Variants in PGBD5 observed in about 807,000 individuals in gnomAD.
PGBD5 encodes piggyBac transposable element derived 5.
Under a neutral mutation model 47.9 loss-of-function variants are expected in PGBD5, and 14 were observed. The observed-to-expected ratio is 0.29, with a 90% CI of 0.19 to 0.46. PGBD5 has a LOEUF of 0.46. PGBD5 is among the 20% of genes least tolerant of loss of function. The probability of loss-of-function intolerance (pLI) is 1.00; values close to 1 mark genes in which losing one functional copy is unlikely to be tolerated. For synonymous variants in PGBD5, 316 were observed against 306.3 expected (o/e 1.03, Z -0.33); for missense variants, 635 against 716.0 (o/e 0.89, Z 1.29).
At position 230,319,427 on chromosome 1, in the gene PGBD5, G is replaced by GT. The variant is rs146946038; in HGVS notation, c.*3997dup. 4,878 of 149,712 alleles carry GT rather than the reference G, an allele frequency of 0.033. 103 individuals carry two copies. The highest frequency in any genetic ancestry group is 0.054 in the African/African-American group (2,222 of 40,882). The allele number at this position is 149,712 out of a possible 1,614,324, so 9.3% of individuals were successfully genotyped here. On this transcript the variant is annotated 3_prime_UTR_variant, in exon 7 of 7. Transcript: ENST00000391860. ...CCCAATCCCAGGCAAGTGGGGAAAT[G>GT]TTTTTTTTTTGCCATGAATGCAGAC...
chr1:230,426,332 C>G lies in PGBD5; in HGVS notation c.-404G>C, dbSNP rs937712642. 3 of 148,956 alleles carry G rather than the reference C, an allele frequency of 2.0e-5. No individual in the cohort carries two copies. Among genetic ancestry groups the G allele is most frequent in the African/African-American group, 2.4e-5 (1 of 41,072 alleles). The allele number at this position is 148,956 out of a possible 1,614,324, so 9.2% of individuals were successfully genotyped here. On this transcript the variant is annotated 5_prime_UTR_variant, in exon 1 of 7. Transcript: ENST00000391860. ...TCCACGGCCTCCGGCGCTCGGCTGCCGACCTTCCCGGGCGCGAGCCGCCAG... is the reference window on the plus strand; with the variant it reads ...TCCACGGCCTCCGGCGCTCGGCTGCGGACCTTCCCGGGCGCGAGCCGCCAG...
chr1:230,413,861 C>T (rs1259585269), intron 1 of PGBD5, among the ~76,000 whole-genome samples: 8 of 152,126 alleles, frequency 5.3e-5, no homozygotes, highest in Admixed American at 2.0e-4. Context: ...TTATCAATCC[C>T]CAGTTTTTAA....
Position 230,323,102 on chromosome 1 carries a change from C to A in PGBD5, c.*323G>T, listed in dbSNP as rs1025462391. 2.3e-5 allele frequency: 7 copies of A among 303,346 alleles called. No homozygotes were observed. Among genetic ancestry groups the A allele is most frequent in the South Asian group, 1.8e-4 (3 of 17,140 alleles). The allele number at this position is 303,346 out of a possible 1,614,324, so 18.8% of individuals were successfully genotyped here. A position where few individuals can be genotyped will look rare whatever the true frequency, so the allele number is the denominator to read the frequency against. The stretch of plus-strand genomic sequence containing the variant: ...GCTCCAGCTCATTCTACCACGGGGG[C>A]CTTCCTTCACAGTCACCAGTCCACG... On this transcript the variant is annotated 3_prime_UTR_variant, in exon 7 of 7. Transcript: ENST00000391860. This position sits in a 1 kb window ranked among gnomAD's most constrained non-coding sequence, Gnocchi z 4.1.
In PGBD5 at chr1:230,425,154, G is replaced by A. The variant is rs12023508; in HGVS notation, c.331+444C>T. Among the ~76,000 whole-genome samples, 10,424 of 152,176 alleles carry A rather than the reference G, an allele frequency of 0.068. 588 individuals carry two copies. The highest frequency in any genetic ancestry group is 0.29 in the East Asian group (1,502 of 5,152). On this transcript the variant is annotated intron_variant, in intron 1 of 6. Transcript: ENST00000391860. This position sits in a 1 kb window ranked among gnomAD's most constrained non-coding sequence, Gnocchi z 4.7. ...GGGCCAACTCCTACCTGCCTCGCCC[G>A]CGTCACCTGCTGTAAGGCTTGCTCT...
chr1:230,318,581 A>G lies in PGBD5; in HGVS notation c.*4844T>C, dbSNP rs577824251. 2 of 152,350 alleles carry G rather than the reference A, an allele frequency of 1.3e-5. No individual in the cohort carries two copies. Among genetic ancestry groups the G allele is most frequent in the African/African-American group, 4.8e-5 (2 of 41,566 alleles). The allele number at this position is 152,350 out of a possible 1,614,324, so 9.4% of individuals were successfully genotyped here. On this transcript the variant is annotated 3_prime_UTR_variant, in exon 7 of 7. Transcript: ENST00000391860. ...TTCTTTCGTTTGGAACTCCCACTAC[A>G]CAAGGCTAAGGCTTTCCACAGCCAA... is the stretch of plus-strand genomic sequence containing the variant.
intron 1 of PGBD5, among the ~76,000 whole-genome samples, chr1:230,373,344 C>T (rs1396985932): frequency 6.6e-6 from 1 of 152,130 alleles, no homozygotes; most frequent in Non-Finnish European, 1.5e-5. Flanking sequence ...GGTCTTGTGT[C>T]GGCCCCAATA....
In PGBD5 at chr1:230,426,220, A is replaced by AGGCGCCGCC. The variant is rs1376523732; in HGVS notation, c.-301_-293dup. On this transcript the variant is annotated 5_prime_UTR_variant, in exon 1 of 7. Transcript: ENST00000391860. ...GGACGCAGAGGCTGCGGCCGAGACC[A>AGGCGCCGCC]GGCGCCGCCGCCGCCACCGCCGCCA... 2 of 148,224 alleles carry AGGCGCCGCC rather than the reference A, an allele frequency of 1.3e-5. No homozygotes were observed. Among genetic ancestry groups the AGGCGCCGCC allele is most frequent in the Non-Finnish European group, 3.0e-5 (2 of 67,774 alleles). The allele number at this position is 148,224 out of a possible 1,614,324, so 9.2% of individuals were successfully genotyped here.
Position 230,320,985 on chromosome 1 carries a change from G to A in PGBD5, c.*2440C>T, listed in dbSNP as rs1022502416. On this transcript the variant is annotated 3_prime_UTR_variant, in exon 7 of 7. Transcript: ENST00000391860. ...GTGGCTGCCATTTTAGAAACAGAGT[G>A]TTACAATGTTACAATTATTCTCTCA... 1.3e-5 allele frequency: 2 copies of A among 152,154 alleles called. No individual in the cohort carries two copies. The highest frequency in any genetic ancestry group is 4.8e-5 in the African/African-American group (2 of 41,424). The allele number at this position is 152,154 out of a possible 1,614,324, so 9.4% of individuals were successfully genotyped here.
At chr1:230,359,440 C>A (rs189485561) in intron 1 of PGBD5, among the ~76,000 whole-genome samples, 3 of 152,256 alleles carry the variant, frequency 2.0e-5, no homozygotes, top group Admixed American at 2.0e-4. Flanking sequence ...TCCTTTATTA[C>A]TGATTTAGAC....
At chr1:230,417,968 C>A (rs912180150) in intron 1 of PGBD5, among the ~76,000 whole-genome samples, 1 of 152,202 alleles carries the variant, frequency 6.6e-6, no homozygotes, top group African/African-American at 2.4e-5. Context: ...TTTGCCCCCC[C>A]AGGGGACATT....
Position 230,320,819 on chromosome 1 carries a change from A to G in PGBD5, c.*2606T>C, listed in dbSNP as rs1446651665. On this transcript the variant is annotated 3_prime_UTR_variant, in exon 7 of 7. Coordinates refer to ENST00000391860, the MANE Select transcript of PGBD5 (RefSeq NM_001258311.2). ...CCTGGAGGTTCTGTCAGTCCGTCCT[A>G]CATGCTATTCTGTCCTTCTGGATGG... 2 of 152,212 alleles carry G rather than the reference A, an allele frequency of 1.3e-5. No homozygotes were observed. The highest frequency in any genetic ancestry group is 1.5e-5 in the Non-Finnish European group (1 of 68,044). The allele number at this position is 152,212 out of a possible 1,614,324, so 9.4% of individuals were successfully genotyped here. A position where few individuals can be genotyped will look rare whatever the true frequency, so the allele number is the denominator to read the frequency against.
intron 1 of PGBD5, among the ~76,000 whole-genome samples, chr1:230,391,831 TCG>T (rs1656792070): frequency 6.6e-6 from 1 of 152,208 alleles, no homozygotes; most frequent in South Asian, 2.1e-4. Context: ...GCACTGATCT[TCG>T]TTAAATTCAA....
chr1:230,352,837 TG>T (rs1000459677), intron 2 of PGBD5, among the ~76,000 whole-genome samples: 1 of 152,166 alleles, frequency 6.6e-6, no homozygotes, highest in African/African-American at 2.4e-5. Context: ...AGGGAAAAGA[TG>T]GCATAAAAAA....
rs1300126343 is a variant in PGBD5, at chr1:230,315,839, GATGC to G, written c.*7582_*7585del. 1 of 133,096 alleles carries G rather than the reference GATGC, an allele frequency of 7.5e-6. No homozygotes were observed. The highest frequency in any genetic ancestry group is 1.7e-5 in the Non-Finnish European group (1 of 59,738). The allele number at this position is 133,096 out of a possible 1,614,324, so 8.2% of individuals were successfully genotyped here. A position where few individuals can be genotyped will look rare whatever the true frequency, so the allele number is the denominator to read the frequency against. On this transcript the variant is annotated 3_prime_UTR_variant, in exon 7 of 7. Coordinates refer to ENST00000391860, the MANE Select transcript of PGBD5 (RefSeq NM_001258311.2). ...GCATACATATAGAGGTATACATATA[GATGC>G]ATATCTGTATACATGTGTATATATA...
chr1:230,402,817 T>C (rs1182991043), intron 1 of PGBD5, among the ~76,000 whole-genome samples: 2 of 152,210 alleles, frequency 1.3e-5, no homozygotes, highest in Non-Finnish European at 2.9e-5. Context: ...TCAATGATTA[T>C]ATATTTAGTC....
intron 1 of PGBD5, among the ~76,000 whole-genome samples, chr1:230,363,700 A>C (rs1342383649): frequency 3.9e-5 from 6 of 152,198 alleles, no homozygotes; most frequent in Non-Finnish European, 7.3e-5. Flanking sequence ...TTTTTGGTGC[A>C]AACTGTCAGC....
At chr1:230,381,739 G>A (rs906623977) in intron 1 of PGBD5, among the ~76,000 whole-genome samples, 5 of 152,250 alleles carry the variant, frequency 3.3e-5, no homozygotes, top group Admixed American at 1.3e-4. Flanking sequence ...CGGAGCCGCC[G>A]TCTGTGTTCT....
chr1:230,334,212 T>C (rs2102816292), intron 4 of PGBD5, among the ~76,000 whole-genome samples: 1 of 152,346 alleles, frequency 6.6e-6, no homozygotes, highest in South Asian at 2.1e-4. Context: ...TGAGTCTCGC[T>C]GCTGAAAAGA....
intron 1 of PGBD5, among the ~76,000 whole-genome samples, chr1:230,421,577 G>A (rs1295770689): frequency 3.9e-5 from 6 of 152,164 alleles, no homozygotes; most frequent in African/African-American, 1.4e-4. Context: ...GAAAATGCAA[G>A]TGACAAATGA....
Sources: allele counts gnomAD v4.1 joint callset (sites outside exome capture counted in the v4.1 genomes callset), GRCh38; gene constraint gnomAD v4.1.1; non-coding constraint Gnocchi (gnomAD v3.1); transcripts MANE v1.5; gene names NCBI Gene and HGNC (gene_info 2026-07-23, HGNC 2026-07-21).